The following CCSER1 variants were observed in gnomAD, a reference collection of about 807,000 sequenced individuals.
CCSER1 encodes the protein coiled-coil serine rich protein 1.
CCSER1 carries 41 observed loss-of-function variants against 82.0 expected under a neutral mutation model. The observed-to-expected ratio is 0.50, with a 90% CI of 0.39 to 0.65. The LOEUF is 0.65. CCSER1 is among the 30% of genes least tolerant of loss of function. CCSER1 has a pLI of 0.00. For missense variants in CCSER1, 1,119 were observed against 1,064.2 expected (o/e 1.05, Z -0.72); for synonymous variants, 414 against 383.9 (o/e 1.08, Z -0.92).
chr4:90,244,875 G>GT (rs1294918277), intron 1 of CCSER1, among the ~76,000 whole-genome samples: 1 of 152,052 alleles, frequency 6.6e-6, no homozygotes, highest in African/African-American at 2.4e-5. Context: ...ATGTTTAGAG[G>GT]TATCATAGAC....
At chr4:91,048,647 A>G (rs1464986926) in intron 9 of CCSER1, among the ~76,000 whole-genome samples, 2 of 152,154 alleles carry the variant, frequency 1.3e-5, no homozygotes, top group East Asian at 1.9e-4. Flanking sequence ...TCTGCAGAGT[A>G]TGATTATACA....
intron 1 of CCSER1, among the ~76,000 whole-genome samples, chr4:90,208,523 C>T (rs947168784): frequency 1.3e-5 from 2 of 151,748 alleles, no homozygotes; most frequent in Admixed American, 6.6e-5. Flanking sequence ...GGTTTTGTCT[C>T]GGTGGCATTC....
chr4:91,272,302 G>A (rs1173763058), intron 10 of CCSER1, among the ~76,000 whole-genome samples: 2 of 152,128 alleles, frequency 1.3e-5, no homozygotes, highest in African/African-American at 4.8e-5. Context: ...ATTCTTGCAG[G>A]ATAAGGTGGT....
chr4:90,552,023 A>G (rs1302108820), intron 5 of CCSER1, among the ~76,000 whole-genome samples: 1 of 152,124 alleles, frequency 6.6e-6, no homozygotes, highest in African/African-American at 2.4e-5. Context: ...CCCCACATGG[A>G]GAAAGGCAGA....
At chr4:91,540,578 T>C (rs950820074) in intron 10 of CCSER1, among the ~76,000 whole-genome samples, 2 of 152,124 alleles carry the variant, frequency 1.3e-5, no homozygotes, top group Non-Finnish European at 2.9e-5. Flanking sequence ...GTTTATCAAT[T>C]ATTTCTTTTA....
intron 10 of CCSER1, among the ~76,000 whole-genome samples, chr4:91,250,667 A>T (rs750870987): frequency 6.6e-6 from 1 of 151,484 alleles, no homozygotes; most frequent in African/African-American, 2.4e-5. Context: ...TATTTAAATG[A>T]TGCCTTTTTT....
chr4:90,258,229 T>A (rs1023840613), intron 1 of CCSER1, among the ~76,000 whole-genome samples: 33 of 152,116 alleles, frequency 2.2e-4, no homozygotes, highest in African/African-American at 8.0e-4. Flanking sequence ...TTTAAAAAAA[T>A]ATCGGATGGG....
At chr4:90,326,339 C>T (rs913141071) in intron 3 of CCSER1, among the ~76,000 whole-genome samples, 6 of 152,078 alleles carry the variant, frequency 3.9e-5, no homozygotes, top group African/African-American at 1.2e-4. Flanking sequence ...GGATTACAGG[C>T]GTGAGCCACC....
At chr4:90,530,360 A>C (rs1268476869) in intron 5 of CCSER1, among the ~76,000 whole-genome samples, 2 of 152,206 alleles carry the variant, frequency 1.3e-5, no homozygotes, top group Non-Finnish European at 1.5e-5. Flanking sequence ...CCTCTACCCC[A>C]GCTGGTGAAC....
intron 9 of CCSER1, among the ~76,000 whole-genome samples, chr4:91,043,603 T>C (rs1742173478): frequency 6.8e-6 from 1 of 147,708 alleles, no homozygotes; most frequent in African/African-American, 2.5e-5. Context: ...TTTTTTTTTT[T>C]TTTTGAGGCG....
At chr4:91,073,568 A>T (rs1259586066) in intron 9 of CCSER1, among the ~76,000 whole-genome samples, 1 of 152,146 alleles carries the variant, frequency 6.6e-6, no homozygotes, top group Admixed American at 6.6e-5. Context: ...AAATATTTTT[A>T]TCAACAATAT....
At chr4:90,519,256 C>T (rs994888794) in intron 5 of CCSER1, among the ~76,000 whole-genome samples, 1 of 151,700 alleles carries the variant, frequency 6.6e-6, no homozygotes, top group African/African-American at 2.4e-5. Flanking sequence ...CAGCTAAAGC[C>T]TCCTCTCTCA....
At chr4:90,498,101 T>C (rs1376240484) in intron 5 of CCSER1, among the ~76,000 whole-genome samples, 1 of 152,164 alleles carries the variant, frequency 6.6e-6, no homozygotes, top group Non-Finnish European at 1.5e-5. Flanking sequence ...CCCCAGTGGA[T>C]GCCTGAAACC....
rs1553982851 is a variant in CCSER1, at chr4:90,271,890, T to TTTA, written c.-41-36354_-41-36353insTTA. Among the ~76,000 whole-genome samples, 96 of 70,086 alleles carry TTTA rather than the reference T, an allele frequency of 1.4e-3. 17 individuals carry two copies. The highest frequency in any genetic ancestry group is 4.2e-3 in the South Asian group (6 of 1,440). The allele number at this position is 70,086 out of a possible 152,430, so 46.0% of individuals were successfully genotyped here. A position where few individuals can be genotyped will look rare whatever the true frequency, so the allele number is the denominator to read the frequency against. On this transcript the variant is annotated intron_variant, in intron 1 of 10. Transcript: ENST00000509176. ...TTTTTTTTTTTTTTTTTTTTTTTTT[T>TTTA]AAAAGGAGGTTTAATTGACTCACAG...
In CCSER1 at chr4:91,598,258, C is replaced by T. The variant is rs139457226; in HGVS notation, c.2218-314C>T. Among the ~76,000 whole-genome samples the T allele has an allele frequency of 2.0e-3, 310 of 152,248 alleles. 2 individuals are homozygous for T. Among genetic ancestry groups the T allele is most frequent in the East Asian group, 0.016 (84 of 5,176 alleles). Reference sequence around the variant, plus strand: ...AATCTGTATTTTCATACTCTGGTATCGCTTCAAATCATATAAATCACCTTT... The same window carrying T: ...AATCTGTATTTTCATACTCTGGTATTGCTTCAAATCATATAAATCACCTTT... On this transcript the variant is annotated intron_variant, in intron 10 of 10. Transcript: ENST00000509176.
chr4:91,382,079 T>C (rs1453694151), intron 10 of CCSER1, among the ~76,000 whole-genome samples: 1 of 152,186 alleles, frequency 6.6e-6, no homozygotes, highest in Non-Finnish European at 1.5e-5. Context: ...TGGATATTGC[T>C]GAACAGCAAA....
At chr4:91,421,235 A>T (rs1753666551) in intron 10 of CCSER1, among the ~76,000 whole-genome samples, 1 of 152,194 alleles carries the variant, frequency 6.6e-6, no homozygotes, top group African/African-American at 2.4e-5. Flanking sequence ...GAATTGGCTT[A>T]GGTGGTTATG....
chr4:91,122,558 A>T (rs1345361127), intron 10 of CCSER1, among the ~76,000 whole-genome samples: 1 of 151,896 alleles, frequency 6.6e-6, no homozygotes, highest in Admixed American at 6.6e-5. Context: ...AACAACCAAA[A>T]CTAGAAAAAG....
chr4:90,238,810 A>G (rs1408709612), intron 1 of CCSER1, among the ~76,000 whole-genome samples: 1 of 151,956 alleles, frequency 6.6e-6, no homozygotes. Flanking sequence ...TCTTCTGAAA[A>G]CAGTCTTTTT....
Sources: gnomAD v4.1 joint callset for allele counts (sites outside exome capture counted in the v4.1 genomes callset) on GRCh38, gnomAD v4.1.1 for gene constraint, MANE v1.5 for transcripts, NCBI Gene and HGNC (gene_info 2026-07-23, HGNC 2026-07-21) for gene names.